The following LDLRAD3 variants were observed in gnomAD, a reference collection of about 807,000 sequenced individuals.
LDLRAD3 encodes the protein low-density lipoprotein receptor class A domain-containing protein 3.
A neutral mutation model predicts 29.4 loss-of-function variants in LDLRAD3; 20 were observed. The observed-to-expected ratio is 0.68, with a 90% CI of 0.48 to 0.99. The LOEUF is 0.99. LDLRAD3 is among the 50% of genes least tolerant of loss of function. LDLRAD3 has a pLI of 0.00. For synonymous variants in LDLRAD3, 157 were observed against 192.7 expected, an observed-to-expected ratio of 0.81 and a Z score of 1.53; for missense variants, 420 against 454.3, an observed-to-expected ratio of 0.92 and a Z score of 0.69.
intron 4 of LDLRAD3, among the ~76,000 whole-genome samples, chr11:36,210,708 A>T (rs1411593121): frequency 6.6e-6 from 1 of 152,202 alleles, no homozygotes; most frequent in Non-Finnish European, 1.5e-5. Flanking sequence ...AGAAGACAGG[A>T]TTGCACAGGC....
intron 1 of LDLRAD3, among the ~76,000 whole-genome samples, chr11:35,986,338 C>A (rs1048834690): frequency 2.0e-5 from 3 of 152,154 alleles, no homozygotes; most frequent in Non-Finnish European, 4.4e-5. Context: ...GTGAACAGAA[C>A]TTGTACAATA....
rs1004388520 is a variant in LDLRAD3, at chr11:35,944,205, A to G, written c.46+61A>G. ...GCGCGGGGCGCGGGGCGCGGGGCGC[A>G]GCGGCCGGGTGCGATCGCGTCCTCT... On this transcript the variant is annotated intron_variant, in intron 1 of 5. Coordinates refer to ENST00000315571, the MANE Select transcript of LDLRAD3 (RefSeq NM_174902.4). This position sits in a 1 kb window ranked among gnomAD's most constrained non-coding sequence, Gnocchi z 4.9. 30 of 893,452 alleles carry G rather than the reference A, an allele frequency of 3.4e-5. No individual in the cohort carries two copies. The highest frequency in any genetic ancestry group is 3.8e-5 in the African/African-American group (2 of 53,060). The allele number at this position is 893,452 out of a possible 1,614,324, so 55.3% of individuals were successfully genotyped here. A position where few individuals can be genotyped will look rare whatever the true frequency, so the allele number is the denominator to read the frequency against.
rs1853782880 is a variant in LDLRAD3, at chr11:36,123,062, C to T, written c.454+24601C>T. ...ATCAGCCAGACATGATGGCACATGC[C>T]TGTAGTCCCGACTGCTTGGGAGGTT... On this transcript the variant is annotated intron_variant, in intron 4 of 5. Coordinates refer to ENST00000315571, the MANE Select transcript of LDLRAD3 (RefSeq NM_174902.4). Among the ~76,000 whole-genome samples, 3 of 152,048 alleles carry T rather than the reference C, an allele frequency of 2.0e-5. No individual in the cohort carries two copies. In the South Asian group the frequency reaches 6.2e-4, roughly 32 times the overall value.
intron 1 of LDLRAD3, among the ~76,000 whole-genome samples, chr11:35,993,798 G>T (rs929084715): frequency 6.6e-6 from 1 of 152,054 alleles, no homozygotes; most frequent in Non-Finnish European, 1.5e-5. Flanking sequence ...CAGACGTGTG[G>T]CCCCTTCCAG....
chr11:35,966,725 C>T (rs1005895194), intron 1 of LDLRAD3, among the ~76,000 whole-genome samples: 1 of 152,178 alleles, frequency 6.6e-6, no homozygotes, highest in Non-Finnish European at 1.5e-5. Flanking sequence ...TTTTACCCAC[C>T]TCATGTAATG....
intron 4 of LDLRAD3, among the ~76,000 whole-genome samples, chr11:36,141,756 A>T (rs1002692610): frequency 2.0e-5 from 3 of 152,188 alleles, no homozygotes; most frequent in Admixed American, 6.5e-5. Context: ...CCGAGCAGAC[A>T]AGCAGGCTCT....
intron 4 of LDLRAD3, among the ~76,000 whole-genome samples, chr11:36,204,768 C>A (rs1011180704): frequency 6.6e-6 from 1 of 152,166 alleles, no homozygotes; most frequent in Non-Finnish European, 1.5e-5. Context: ...GGATTACAGG[C>A]GTGAGCCACA....
intron 1 of LDLRAD3, among the ~76,000 whole-genome samples, chr11:35,974,307 T>C (rs984453251): frequency 6.6e-6 from 1 of 152,230 alleles, no homozygotes; most frequent in African/African-American, 2.4e-5. Flanking sequence ...AGCTTTATTT[T>C]TTTTTTTCAG....
intron 4 of LDLRAD3, among the ~76,000 whole-genome samples, chr11:36,151,707 G>A (rs1269726861): frequency 6.6e-6 from 1 of 152,174 alleles, no homozygotes; most frequent in Non-Finnish European, 1.5e-5. Context: ...CCCCAGTCCT[G>A]TCTAGTGCCA....
intron 1 of LDLRAD3, among the ~76,000 whole-genome samples, chr11:36,028,931 G>C (rs1852200703): frequency 6.6e-6 from 1 of 152,086 alleles, no homozygotes; most frequent in African/African-American, 2.4e-5. Flanking sequence ...CTGTTTCATA[G>C]GGCAATTGTA....
intron 2 of LDLRAD3, among the ~76,000 whole-genome samples, chr11:36,065,399 G>A (rs1852775455): frequency 1.3e-5 from 2 of 152,106 alleles, no homozygotes; most frequent in African/African-American, 4.8e-5. Context: ...CAGGATTGAA[G>A]GCACTGCTTT....
At chr11:36,150,364 C>G (rs1327435234) in intron 4 of LDLRAD3, among the ~76,000 whole-genome samples, 1 of 151,694 alleles carries the variant, frequency 6.6e-6, no homozygotes, top group East Asian at 1.9e-4. Flanking sequence ...CTCATCTCTA[C>G]AAAAAAATTA....
intron 3 of LDLRAD3, among the ~76,000 whole-genome samples, chr11:36,088,095 A>G (rs1460925006): frequency 1.3e-5 from 2 of 151,936 alleles, no homozygotes; most frequent in East Asian, 1.9e-4. Flanking sequence ...GCTCAAGCCA[A>G]CTGCTTGCCT....
At chr11:36,023,569 C>G (rs893759587) in intron 1 of LDLRAD3, among the ~76,000 whole-genome samples, 4 of 152,212 alleles carry the variant, frequency 2.6e-5, no homozygotes, top group Non-Finnish European at 4.4e-5. Flanking sequence ...AGGATATTTT[C>G]AGTCCCTCAG....
chr11:35,960,658 G>A (rs536348894), intron 1 of LDLRAD3, among the ~76,000 whole-genome samples: 6 of 152,116 alleles, frequency 3.9e-5, no homozygotes, highest in African/African-American at 9.7e-5. Context: ...GTGCAGTGGC[G>A]CGATCTCGGC....
At chr11:36,075,458 A>G (rs1428489332) in intron 2 of LDLRAD3, among the ~76,000 whole-genome samples, 2 of 152,140 alleles carry the variant, frequency 1.3e-5, no homozygotes, top group Non-Finnish European at 2.9e-5. Flanking sequence ...GATGATGTTG[A>G]CCATGGTCCC....
intron 1 of LDLRAD3, chr11:35,972,737 C>T (rs946557015): frequency 2.0e-5 from 3 of 152,074 alleles, no homozygotes; most frequent in Non-Finnish European, 2.9e-5. Context: ...GAAATGCAAT[C>T]GTATGGTTCA....
chr11:36,140,360 A>G (rs982527264), intron 4 of LDLRAD3, among the ~76,000 whole-genome samples: 5 of 152,210 alleles, frequency 3.3e-5, no homozygotes, highest in Non-Finnish European at 7.3e-5. Flanking sequence ...GTTGGTAATG[A>G]TGAAAAATTA....
At chr11:36,154,219 AAAGT>A (rs1057426080) in intron 4 of LDLRAD3, among the ~76,000 whole-genome samples, 1 of 152,196 alleles carries the variant, frequency 6.6e-6, no homozygotes, top group Non-Finnish European at 1.5e-5. Flanking sequence ...ACACCGACTG[AAAGT>A]AAGTCACACC....
Sources: allele counts gnomAD v4.1 joint callset (sites outside exome capture counted in the v4.1 genomes callset), GRCh38; gene constraint gnomAD v4.1.1; non-coding constraint Gnocchi (gnomAD v3.1); transcripts MANE v1.5; gene names NCBI Gene and HGNC (gene_info 2026-07-23, HGNC 2026-07-21).